PPP2R5D: variants seen among roughly 807,000 people sequenced by gnomAD.
PPP2R5D encodes the protein serine/threonine-protein phosphatase 2A 56 kDa regulatory subunit delta isoform.
In PPP2R5D, 12 loss-of-function variants were observed where a neutral mutation model predicts 79.1. The observed-to-expected ratio is 0.15, with a 90% CI of 0.10 to 0.25. The LOEUF is 0.25. PPP2R5D is among the 10% of genes least tolerant of loss of function. The pLI is 1.00. For synonymous variants in PPP2R5D, 277 were observed against 286.6 expected (o/e 0.97, Z 0.34); for missense variants, 419 against 760.2 (o/e 0.55, Z 5.28).
Position 43,007,530 on chromosome 6 carries a change from T to C in PPP2R5D, c.726+24T>C. ...CTGTGAGTCCCCGAGTTCCTGTCCT[T>C]GCCCTCTCTTTCCATTCCATGCCCC... On this transcript the variant is annotated intron_variant, in intron 6 of 15. Coordinates refer to ENST00000485511, the MANE Select transcript of PPP2R5D (RefSeq NM_006245.4). This position sits in a 1 kb window ranked among gnomAD's most constrained non-coding sequence, Gnocchi z 4.5. The C allele has an allele frequency of 6.4e-7, 1 of 1,563,228 alleles. No homozygotes were observed. Among genetic ancestry groups the C allele is most frequent in the South Asian group, 1.1e-5 (1 of 90,046 alleles).
At chr6:42,984,764 G>T in intron 1 of PPP2R5D, 60 bp downstream of exon 1, 1 of 1,607,394 alleles carries the variant, frequency 6.2e-7, no homozygotes, top group Non-Finnish European at 8.5e-7. Context: ...CTCTGGGAGG[G>T]GCCGGAGCCA....
intron 1 of PPP2R5D, among the ~76,000 whole-genome samples, chr6:42,987,733 C>A (rs1235100541): frequency 6.6e-6 from 1 of 152,178 alleles, no homozygotes. Context: ...TGCCCACTCA[C>A]ACCCACACAC....
rs1762302400 is a variant in PPP2R5D, at chr6:43,010,590, G to T, written c.1481+21G>T. 1 of 1,613,286 alleles carries T rather than the reference G, an allele frequency of 6.2e-7. No individual in the cohort carries two copies. The highest frequency in any genetic ancestry group is 8.5e-7 in the Non-Finnish European group (1 of 1,179,286). ...CAGAAGTGAGTATCTCTCTCCCCGGGAGACTTTCATCTTCTACCACCAGCT... is the reference window on the plus strand; with the variant it reads ...CAGAAGTGAGTATCTCTCTCCCCGGTAGACTTTCATCTTCTACCACCAGCT... On this transcript the variant is annotated intron_variant, in intron 13 of 15. Coordinates refer to ENST00000485511, the MANE Select transcript of PPP2R5D (RefSeq NM_006245.4). The surrounding 1 kb of genome is among the most constrained non-coding windows in gnomAD (Gnocchi z 4.7).
At chr6:42,985,627 C>A (rs1385364753) in intron 1 of PPP2R5D, among the ~76,000 whole-genome samples, 1 of 151,704 alleles carries the variant, frequency 6.6e-6, no homozygotes, top group African/African-American at 2.4e-5. Context: ...CTTTTCGCAC[C>A]AGTGCTGGAT....
chr6:42,984,571 C>A lies in PPP2R5D; in HGVS notation c.-107C>A. On this transcript the variant is annotated 5_prime_UTR_variant, in exon 1 of 16. Transcript: ENST00000485511. ...GCGCAGGCACCGCTCGACCCGGGCG[C>A]AGCGCGCAGGCGGTGGCGAAGAGAC... 1 of 1,450,900 alleles carries A rather than the reference C, an allele frequency of 6.9e-7. No individual in the cohort carries two copies. Among genetic ancestry groups the A allele is most frequent in the South Asian group, 1.5e-5 (1 of 68,542 alleles). The allele number at this position is 1,450,900 out of a possible 1,614,324, so 89.9% of individuals were successfully genotyped here. A position where few individuals can be genotyped will look rare whatever the true frequency, so the allele number is the denominator to read the frequency against.
chr6:43,008,266 A>G lies in PPP2R5D; in HGVS notation c.917+6A>G, dbSNP rs1762192470. ...CTCCTGGAGATCCTGGGCAGGTGAG[A>G]GGCCGGGTGGGGGCACAGATGCCTG... On this transcript the variant is annotated splice_donor_region_variant and intron_variant, in intron 8 of 15. Transcript: ENST00000485511. The surrounding 1 kb of genome is among the most constrained non-coding windows in gnomAD (Gnocchi z 4.2). 1 of 1,614,168 alleles carries G rather than the reference A, an allele frequency of 6.2e-7. No individual in the cohort carries two copies.
intron 2 of PPP2R5D, among the ~76,000 whole-genome samples, chr6:42,997,214 C>T (rs557305393): frequency 5.3e-5 from 8 of 150,714 alleles, no homozygotes; most frequent in Non-Finnish European, 8.9e-5. Flanking sequence ...TTTTTTGAGA[C>T]GGAGTTTCGC....
intron 2 of PPP2R5D, among the ~76,000 whole-genome samples, chr6:43,000,373 G>A (rs1772097483): frequency 6.6e-6 from 1 of 151,126 alleles, no homozygotes; most frequent in Non-Finnish European, 1.5e-5. Flanking sequence ...GAGTAGCTGG[G>A]GCTACAGGCG....
At chr6:42,991,485 C>A (rs1041895292) in intron 2 of PPP2R5D, among the ~76,000 whole-genome samples, 1 of 152,162 alleles carries the variant, frequency 6.6e-6, no homozygotes, top group Non-Finnish European at 1.5e-5. Context: ...GCTGTTTTGG[C>A]ACTCAGTACC....
At chr6:42,992,206 C>T (rs1022479584) in intron 2 of PPP2R5D, among the ~76,000 whole-genome samples, 5 of 152,270 alleles carry the variant, frequency 3.3e-5, no homozygotes, top group Non-Finnish European at 7.4e-5. Context: ...ACTACAGGCT[C>T]CCGCCACCAC....
chr6:43,002,159 GGTT>G (rs1561846518), intron 2 of PPP2R5D, among the ~76,000 whole-genome samples: 2 of 150,552 alleles, frequency 1.3e-5, no homozygotes, highest in Non-Finnish European at 3.0e-5. Context: ...ATAAGGGTTT[GGTT>G]GTTCTTTTTT....
At chr6:42,990,007 A>G (rs1771148675) in intron 2 of PPP2R5D, among the ~76,000 whole-genome samples, 1 of 152,180 alleles carries the variant, frequency 6.6e-6, no homozygotes, top group Admixed American at 6.5e-5. Flanking sequence ...CAAAAGGGGA[A>G]AAGTCCACAG....
rs369662658 is a variant in PPP2R5D, at chr6:43,010,436, C to T, written c.1380-32C>T. 2 of 1,595,724 alleles carry T rather than the reference C, an allele frequency of 1.3e-6. No individual in the cohort carries two copies. Among genetic ancestry groups the T allele is most frequent in the Admixed American group, 3.3e-5 (2 of 60,010 alleles). ...CCTCACGCTAAGGGCAGGCTCTGGCCTCCTACACCTCATCTTTCTTCTTGG... is the reference window on the plus strand; with the variant it reads ...CCTCACGCTAAGGGCAGGCTCTGGCTTCCTACACCTCATCTTTCTTCTTGG... On this transcript the variant is annotated intron_variant, in intron 12 of 15. Coordinates refer to ENST00000485511, the MANE Select transcript of PPP2R5D (RefSeq NM_006245.4). This position sits in a 1 kb window ranked among gnomAD's most constrained non-coding sequence, Gnocchi z 4.7.
Position 43,009,784 on chromosome 6 carries a change from A to C in PPP2R5D, c.1379+335A>C, listed in dbSNP as rs989202274. 6.6e-6 allele frequency among the ~76,000 whole-genome samples: 1 copy of C among 152,148 alleles called. No individual in the cohort carries two copies. The highest frequency in any genetic ancestry group is 2.4e-5 in the African/African-American group (1 of 41,426). On this transcript the variant is annotated intron_variant, in intron 12 of 15. Transcript: ENST00000485511. The surrounding 1 kb of genome is among the most constrained non-coding windows in gnomAD (Gnocchi z 5.6). ...TATGTGTAAAGAATCCCAGGGTTTTAGGCCGGGCACGGTGTCTCACGCCTG... is the reference window on the plus strand; with the variant it reads ...TATGTGTAAAGAATCCCAGGGTTTTCGGCCGGGCACGGTGTCTCACGCCTG...
chr6:43,003,409 G>A lies in PPP2R5D; in HGVS notation c.106-3054G>A, dbSNP rs762397866. On this transcript the variant is annotated intron_variant, in intron 2 of 15. Transcript: ENST00000485511. ...TGCACTCCAGCCTGGATGACAGAGC[G>A]AGACTCCATCTCAAAAATAAATAAA... Among the ~76,000 whole-genome samples, 5 of 152,080 alleles carry A rather than the reference G, an allele frequency of 3.3e-5. No homozygotes were observed. The South Asian group carries it at 1.0e-3, about 32-fold the overall frequency.
At chr6:43,001,233 C>T (rs1772177859) in intron 2 of PPP2R5D, among the ~76,000 whole-genome samples, 1 of 152,170 alleles carries the variant, frequency 6.6e-6, no homozygotes, top group African/African-American at 2.4e-5. Context: ...CAGCTCATTG[C>T]CAAGATCAAG....
At position 43,009,290 on chromosome 6, in the gene PPP2R5D, C is replaced by G; in HGVS notation, c.1252-32C>G. On this transcript the variant is annotated intron_variant, in intron 11 of 15. Transcript: ENST00000485511. The surrounding 1 kb of genome is among the most constrained non-coding windows in gnomAD (Gnocchi z 5.6). Reference sequence around the variant, plus strand: ...AAACTGAGGTCTTGAGTGAAATGAGCAGCACCCACCGAGTCTGCCTCTCCC... The same window carrying G: ...AAACTGAGGTCTTGAGTGAAATGAGGAGCACCCACCGAGTCTGCCTCTCCC... The G allele has an allele frequency of 6.2e-7, 1 of 1,614,048 alleles. No homozygotes were observed. The highest frequency in any genetic ancestry group is 8.5e-7 in the Non-Finnish European group (1 of 1,180,016).
In PPP2R5D at chr6:43,012,336, C is replaced by A; in HGVS notation, c.*1050C>A. ...GTACAGAACTGAATAAAGTGGGTCT[C>A]TGAGAAGTCTGATGTGCCTTGATGT... On this transcript the variant is annotated 3_prime_UTR_variant, in exon 16 of 16. Transcript: ENST00000485511. 1 of 1,473,702 alleles carries A rather than the reference C, an allele frequency of 6.8e-7. No individual in the cohort carries two copies. The highest frequency in any genetic ancestry group is 9.0e-7 in the Non-Finnish European group (1 of 1,112,792). 91.3% of individuals were successfully genotyped at this position (1,473,702 alleles called of 1,614,324 possible).
In PPP2R5D at chr6:42,990,714, T is replaced by C. The variant is rs1771199932; in HGVS notation, c.105+1026T>C. Among the ~76,000 whole-genome samples the C allele has an allele frequency of 2.9e-5, 4 of 136,836 alleles. No homozygotes were observed. In the South Asian group the frequency reaches 1.0e-3, roughly 34 times the overall value. 89.8% of individuals were successfully genotyped at this position (136,836 alleles called of 152,430 possible). A position where few individuals can be genotyped will look rare whatever the true frequency, so the allele number is the denominator to read the frequency against. ...CAGTATTCTACTTTTTTTTTTTTTT[T>C]TTTTTTTTTTTTGAGATGGAGTCTC... On this transcript the variant is annotated intron_variant, in intron 2 of 15. Transcript: ENST00000485511.
Sources: allele counts gnomAD v4.1 joint callset (sites outside exome capture counted in the v4.1 genomes callset), GRCh38; gene constraint gnomAD v4.1.1; non-coding constraint Gnocchi (gnomAD v3.1); transcripts MANE v1.5; gene names NCBI Gene and HGNC (gene_info 2026-07-23, HGNC 2026-07-21).